The following BNC2 variants were observed in gnomAD, a reference collection of about 807,000 sequenced individuals.
BNC2 encodes the protein basonuclin zinc finger protein 2, also known as zinc finger protein basonuclin-2.
In BNC2, 20 loss-of-function variants were observed where a neutral mutation model predicts 76.3. That is an observed-to-expected ratio of 0.26 (90% CI 0.18 to 0.38). BNC2 has a LOEUF of 0.38. Among genes scored for constraint, BNC2 ranks in the 10% least tolerant of loss-of-function variants. The pLI is 1.00. For synonymous variants in BNC2, 582 were observed against 514.8 expected (o/e 1.13, Z -1.77); for missense variants, 1,382 against 1,399.8 (o/e 0.99, Z 0.20).
At chr9:16,766,587 G>T (rs1191507973) in intron 1 of BNC2, among the ~76,000 whole-genome samples, 1 of 152,118 alleles carries the variant, frequency 6.6e-6, no homozygotes, top group East Asian at 1.9e-4. Context: ...CTAACAGCTG[G>T]TACTACCTTC....
intron 3 of BNC2, among the ~76,000 whole-genome samples, chr9:16,652,245 G>C (rs1233485965): frequency 1.3e-5 from 2 of 152,046 alleles, no homozygotes; most frequent in South Asian, 4.1e-4. Context: ...TCAGATAATA[G>C]CACTTTTATT....
intron 5 of BNC2, among the ~76,000 whole-genome samples, chr9:16,510,094 G>A (rs1438819825): frequency 1.3e-5 from 2 of 152,224 alleles, no homozygotes; most frequent in East Asian, 3.8e-4. Context: ...AAGGCTATGA[G>A]TCATAACACA....
chr9:16,720,424 A>G (rs1474030465), intron 3 of BNC2, among the ~76,000 whole-genome samples: 1 of 152,214 alleles, frequency 6.6e-6, no homozygotes, highest in Non-Finnish European at 1.5e-5. Flanking sequence ...GTCATTAAGT[A>G]AATTTCTGCC....
intron 1 of BNC2, chr9:16,867,511 A>T (rs1303708496): frequency 6.6e-6 from 1 of 152,168 alleles, no homozygotes; most frequent in Non-Finnish European, 1.5e-5. Context: ...TACTAAATTG[A>T]ACTCCTCATA....
chr9:16,766,349 G>T (rs373793037), intron 1 of BNC2, among the ~76,000 whole-genome samples: 2 of 152,230 alleles, frequency 1.3e-5, no homozygotes, highest in African/African-American at 4.8e-5. Context: ...CTGCAGCTCT[G>T]AACACGAAGA....
At chr9:16,461,095 A>G (rs1159477714) in intron 5 of BNC2, among the ~76,000 whole-genome samples, 1 of 152,154 alleles carries the variant, frequency 6.6e-6, no homozygotes, top group Admixed American at 6.5e-5. Flanking sequence ...ACTTTGATCA[A>G]TTGAGGCTCT....
At chr9:16,639,876 C>T (rs1286534109) in intron 3 of BNC2, among the ~76,000 whole-genome samples, 2 of 151,886 alleles carry the variant, frequency 1.3e-5, no homozygotes, top group East Asian at 3.9e-4. Flanking sequence ...GAGCTATGAT[C>T]GCACCACTAC....
At chr9:16,623,687 G>C (rs1018555882) in intron 3 of BNC2, among the ~76,000 whole-genome samples, 1 of 152,190 alleles carries the variant, frequency 6.6e-6, no homozygotes, top group African/African-American at 2.4e-5. Context: ...AAACACTGAA[G>C]TGAGGCTGGA....
chr9:16,642,777 C>A (rs892752658), intron 3 of BNC2, among the ~76,000 whole-genome samples: 8 of 152,244 alleles, frequency 5.3e-5, no homozygotes, highest in African/African-American at 1.9e-4. Context: ...ATAGTCTACA[C>A]AAAACTTTGT....
At chr9:16,554,135 C>A (rs574749099) in intron 4 of BNC2, among the ~76,000 whole-genome samples, 3 of 152,148 alleles carry the variant, frequency 2.0e-5, no homozygotes, top group Non-Finnish European at 4.4e-5. Context: ...CCTTTCTCAG[C>A]GGCTTTTCCT....
In BNC2 at chr9:16,820,258, T is replaced by C. The variant is rs193174656; in HGVS notation, c.3+50388A>G. On this transcript the variant is annotated intron_variant, in intron 1 of 6. Transcript: ENST00000380672. ...CTGGTCAACATGGTGAAACCCCGTC[T>C]CTACCAAATATACAAAAATTAGCTG... Among the ~76,000 whole-genome samples the C allele has an allele frequency of 3.9e-3, 591 of 150,758 alleles. 4 individuals carry two copies. The highest frequency in any genetic ancestry group is 0.013 in the African/African-American group (529 of 40,956).
chr9:16,852,399 A>G (rs1819149729), intron 1 of BNC2, among the ~76,000 whole-genome samples: 1 of 152,258 alleles, frequency 6.6e-6, no homozygotes, highest in African/African-American at 2.4e-5. Flanking sequence ...AGCAGATGCC[A>G]AAGAACTCTC....
chr9:16,569,109 T>G (rs1288101758), intron 4 of BNC2, among the ~76,000 whole-genome samples: 1 of 121,192 alleles, frequency 8.3e-6, no homozygotes, highest in Non-Finnish European at 1.6e-5. Context: ...GTACAAAGGG[T>G]TTTTTTTTTT....
At chr9:16,719,078 G>T (rs1290954286) in intron 3 of BNC2, among the ~76,000 whole-genome samples, 1 of 152,180 alleles carries the variant, frequency 6.6e-6, no homozygotes, top group Non-Finnish European at 1.5e-5. Context: ...CTAACTCGCT[G>T]ACTCCAAGTT....
intron 1 of BNC2, among the ~76,000 whole-genome samples, chr9:16,766,173 C>A (rs1027990008): frequency 1.3e-5 from 2 of 152,204 alleles, no homozygotes; most frequent in African/African-American, 4.8e-5. Flanking sequence ...CTGTGAATTT[C>A]TTCACTTTTA....
intron 1 of BNC2, among the ~76,000 whole-genome samples, chr9:16,809,994 T>A (rs1035140742): frequency 1.3e-5 from 2 of 152,104 alleles, no homozygotes; most frequent in African/African-American, 4.8e-5. Flanking sequence ...CTTCTCTGCC[T>A]CCCCTCTAGG....
intron 3 of BNC2, among the ~76,000 whole-genome samples, chr9:16,598,359 A>G (rs1820152464): frequency 6.6e-6 from 1 of 152,238 alleles, no homozygotes; most frequent in South Asian, 2.1e-4. Context: ...ATTACTGAGT[A>G]TTATCTACAA....
At chr9:16,478,242 C>G (rs1587074710) in intron 5 of BNC2, among the ~76,000 whole-genome samples, 1 of 152,164 alleles carries the variant, frequency 6.6e-6, no homozygotes, top group Non-Finnish European at 1.5e-5. Flanking sequence ...TCCATTCTGG[C>G]AGGCTTTTCT....
intron 1 of BNC2, among the ~76,000 whole-genome samples, chr9:16,771,873 T>C (rs765391753): frequency 3.8e-4 from 58 of 152,160 alleles, no homozygotes; most frequent in Non-Finnish European, 2.2e-4. Context: ...ATTTCCAACA[T>C]TGAAATATTT....
Sources: gnomAD v4.1 joint callset for allele counts (sites outside exome capture counted in the v4.1 genomes callset) on GRCh38, gnomAD v4.1.1 for gene constraint, MANE v1.5 for transcripts, NCBI Gene and HGNC (gene_info 2026-07-23, HGNC 2026-07-21) for gene names.